The following ROCK2 variants were observed in gnomAD, a reference collection of about 807,000 sequenced individuals.
ROCK2 encodes rho-associated protein kinase 2.
Under a neutral mutation model 195.1 loss-of-function variants are expected in ROCK2, and 61 were observed. That is an observed-to-expected ratio of 0.31 (90% CI 0.25 to 0.39). The LOEUF is 0.39. Ranked by LOEUF, ROCK2 falls within the 10% of genes least tolerant of loss-of-function variation. The pLI is 1.00. For synonymous variants in ROCK2, 504 were observed against 545.5 expected (o/e 0.92, Z 1.06); for missense variants, 1,109 against 1,637.4 (o/e 0.68, Z 5.57).
At chr2:11,260,540 C>G (rs1002630844) in intron 3 of ROCK2, among the ~76,000 whole-genome samples, 8 of 149,198 alleles carry the variant, frequency 5.4e-5, no homozygotes, top group African/African-American at 1.7e-4. Flanking sequence ...ACTTTAAGAA[C>G]AAATCAAATT....
At chr2:11,226,609 T>C (rs1442899616) in intron 6 of ROCK2, among the ~76,000 whole-genome samples, 1 of 152,054 alleles carries the variant, frequency 6.6e-6, no homozygotes, top group Non-Finnish European at 1.5e-5. Flanking sequence ...ACAAATATGA[T>C]TGATCAAGAA....
chr2:11,311,276 G>C (rs1274747209), intron 1 of ROCK2, among the ~76,000 whole-genome samples: 1 of 152,134 alleles, frequency 6.6e-6, no homozygotes, highest in Non-Finnish European at 1.5e-5. Context: ...AAGTCCTGGA[G>C]AGCCCCCAAA....
chr2:11,307,020 T>G (rs1210479592), intron 1 of ROCK2, among the ~76,000 whole-genome samples: 1 of 152,230 alleles, frequency 6.6e-6, no homozygotes, highest in African/African-American at 2.4e-5. Context: ...AAAAGACATA[T>G]GTAACTGAGG....
intron 23 of ROCK2, 65 bp from the exon 24 acceptor site, chr2:11,198,839 T>A (rs1166217932): frequency 4.2e-6 from 4 of 956,502 alleles, no homozygotes; most frequent in Non-Finnish European, 6.4e-6. Flanking sequence ...ATAAAATGAT[T>A]CAAATGAGAA....
At chr2:11,266,135 A>T (rs1004036870) in intron 3 of ROCK2, among the ~76,000 whole-genome samples, 3 of 152,240 alleles carry the variant, frequency 2.0e-5, no homozygotes, top group African/African-American at 7.2e-5. Context: ...AGGCGAAATA[A>T]CATGAATGGA....
chr2:11,306,864 A>C (rs1171853348), intron 1 of ROCK2, among the ~76,000 whole-genome samples: 2 of 152,240 alleles, frequency 1.3e-5, no homozygotes, highest in African/African-American at 4.8e-5. Context: ...TGGGAAATAC[A>C]GTATAAACAA....
chr2:11,192,245 C>T lies in ROCK2; in HGVS notation c.4066G>A (p.Asp1356Asn). 6.2e-7 allele frequency: 1 copy of T among 1,613,706 alleles called. No homozygotes were observed. The highest frequency in any genetic ancestry group is 1.1e-5 in the South Asian group (1 of 91,078). Residue 1356 changes from aspartate (D) to asparagine (N), a missense_variant, in exon 32 of 33, where the codon GAC becomes AAC. Physicochemically the swap from Asp to Asn is conservative, Grantham distance 23 (BLOSUM62 1). Around this residue, in one of 6 missense-constraint regions of ROCK2, gnomAD observed 221 missense variants for 355.1 expected, o/e 0.62. Coordinates refer to ENST00000315872, the MANE Select transcript of ROCK2 (RefSeq NM_004850.5). This position sits in a 1 kb window ranked among gnomAD's most constrained non-coding sequence, Gnocchi z 5.0. Reference sequence around the variant, plus strand: ...CTAGGAGATGATCGGGCAAAAGGGTCTGGAGCTGGGGGCTTTTTAGGTATC... The same window carrying T: ...CTAGGAGATGATCGGGCAAAAGGGTTTGGAGCTGGGGGCTTTTTAGGTATC... ...KKIPKKPPAP[D>N]PFARSSPRTS...
intron 1 of ROCK2, among the ~76,000 whole-genome samples, chr2:11,331,234 T>G (rs553176824): frequency 7.9e-5 from 12 of 152,252 alleles, no homozygotes; most frequent in Non-Finnish European, 1.3e-4. Flanking sequence ...GATTCACACC[T>G]AAATACAAAG....
intron 11 of ROCK2, 198 bp from the exon 12 acceptor site, chr2:11,217,367 T>C: frequency 1.5e-6 from 1 of 673,854 alleles, no homozygotes. Flanking sequence ...TCTATCAGAG[T>C]ACACATGTAT....
At chr2:11,238,437 C>T (rs527248250) in intron 4 of ROCK2, among the ~76,000 whole-genome samples, 30 of 151,974 alleles carry the variant, frequency 2.0e-4, no homozygotes, top group Non-Finnish European at 4.0e-4. Flanking sequence ...ACAAGCAGGT[C>T]CTAAAATTTA....
upstream of ROCK2, chr2:11,344,685 G>C (rs1326414255): frequency 6.6e-6 from 1 of 151,954 alleles, no homozygotes; most frequent in Non-Finnish European, 1.4e-5. This position sits in a 1 kb window ranked among gnomAD's most constrained non-coding sequence, Gnocchi z 5.4. Context: ...CGCAGCCGCC[G>C]GCGCGCGTCC....
intron 4 of ROCK2, among the ~76,000 whole-genome samples, chr2:11,247,762 G>A (rs765863779): frequency 7.2e-5 from 11 of 152,216 alleles, no homozygotes; most frequent in Non-Finnish European, 1.0e-4. Context: ...GCTCATGCCT[G>A]TAATCCCAGC....
chr2:11,233,313 C>G (rs189755497), intron 5 of ROCK2, among the ~76,000 whole-genome samples: 132 of 152,218 alleles, frequency 8.7e-4, no homozygotes, highest in African/African-American at 3.0e-3. Flanking sequence ...TTTAAAGATA[C>G]TACTGTATAT....
chr2:11,315,528 T>C (rs765157197), intron 1 of ROCK2, among the ~76,000 whole-genome samples: 11 of 152,246 alleles, frequency 7.2e-5, no homozygotes, highest in Non-Finnish European at 1.6e-4. Flanking sequence ...GTTTACTCTT[T>C]ACATTTTCCA....
Position 11,217,103 on chromosome 2 carries a change from C to G in ROCK2, c.1399G>C (p.Glu467Gln). Residue 467 changes from glutamate to glutamine, a missense_variant, in exon 12 of 33, where the codon GAA becomes CAA. This residue lies in a region of ROCK2 where 542 missense variants were observed against 672.0 expected (regional missense o/e 0.81). Coordinates refer to ENST00000315872, the MANE Select transcript of ROCK2 (RefSeq NM_004850.5). Reference protein sequence around the residue: ...SNEMQAKEELEQKCKSVNTRL... With the variant: ...SNEMQAKEELQQKCKSVNTRL... ...TACAAAACATACTTGCACTTCTGTT[C>G]CAGTTCCTCTTTGGCTTGCATCTCA... The G allele has an allele frequency of 1.3e-6, 2 of 1,523,134 alleles. No individual in the cohort carries two copies. The highest frequency in any genetic ancestry group is 1.8e-6 in the Non-Finnish European group (2 of 1,098,134). The allele number at this position is 1,523,134 out of a possible 1,614,324, so 94.4% of individuals were successfully genotyped here. A position where few individuals can be genotyped will look rare whatever the true frequency, so the allele number is the denominator to read the frequency against.
At chr2:11,212,215 C>T (rs1238483649) in intron 17 of ROCK2, among the ~76,000 whole-genome samples, 2 of 152,054 alleles carry the variant, frequency 1.3e-5, no homozygotes, top group African/African-American at 2.4e-5. Flanking sequence ...TGGTGCTCAA[C>T]CTTAACTTGT....
chr2:11,266,099 A>G lies in ROCK2; in HGVS notation c.325-16301T>C, dbSNP rs538870948. Reference sequence around the variant, plus strand: ...ATAAATATCACTGTCTTCCACCTCTACATCTTGTCCCACTAAAAGGTTTTC... The same window carrying G: ...ATAAATATCACTGTCTTCCACCTCTGCATCTTGTCCCACTAAAAGGTTTTC... On this transcript the variant is annotated intron_variant, in intron 3 of 32. Transcript: ENST00000315872. Among the ~76,000 whole-genome samples the G allele has an allele frequency of 4.6e-5, 7 of 152,326 alleles. No individual in the cohort carries two copies. The South Asian group carries it at 1.5e-3, about 32-fold the overall frequency.
chr2:11,307,394 A>C (rs568477755), intron 1 of ROCK2, among the ~76,000 whole-genome samples: 7 of 152,204 alleles, frequency 4.6e-5, no homozygotes, highest in Admixed American at 4.6e-4. Context: ...GCTCACTGCA[A>C]CCTCCGCCTC....
intron 3 of ROCK2, among the ~76,000 whole-genome samples, chr2:11,281,208 TAAAAAAAA>T (rs1173116040): frequency 9.9e-6 from 1 of 100,608 alleles, no homozygotes; most frequent in African/African-American, 3.9e-5. Flanking sequence ...ACTCATTATT[TAAAAAAAA>T]AAAAAAAAAA....
Sources: allele counts gnomAD v4.1 joint callset (sites outside exome capture counted in the v4.1 genomes callset), GRCh38; gene constraint gnomAD v4.1.1; regional missense constraint gnomAD v4.1.1; non-coding constraint Gnocchi (gnomAD v3.1); transcripts MANE v1.5; gene names NCBI Gene and HGNC (gene_info 2026-07-23, HGNC 2026-07-21).